The following SEMA6A variants were observed in gnomAD, a reference collection of about 807,000 sequenced individuals.
SEMA6A encodes the protein semaphorin 6A, also known as semaphorin-6A.
SEMA6A carries 25 observed loss-of-function variants against 96.8 expected under a neutral mutation model. The ratio of observed to expected loss-of-function variants is 0.26; its 90% confidence interval spans 0.19 to 0.36. The LOEUF (loss-of-function observed/expected upper bound fraction) is 0.36. SEMA6A is among the 10% of genes least tolerant of loss of function. The pLI, the probability that SEMA6A is intolerant of heterozygous loss-of-function variation, is 1.00. For missense variants in SEMA6A, 1,363 were observed against 1,323.1 expected, an observed-to-expected ratio of 1.03 and a Z score of -0.47; for synonymous variants, 612 against 518.0, an observed-to-expected ratio of 1.18 and a Z score of -2.46.
At chr5:116,482,031 T>C (rs1756801997) in intron 11 of SEMA6A, among the ~76,000 whole-genome samples, 1 of 152,124 alleles carries the variant, frequency 6.6e-6, no homozygotes, top group Non-Finnish European at 1.5e-5. Flanking sequence ...AAACACTATT[T>C]ATATTTCATA....
At chr5:116,457,314 G>C (rs746870909) in intron 18 of SEMA6A, among the ~76,000 whole-genome samples, 7 of 152,094 alleles carry the variant, frequency 4.6e-5, no homozygotes, top group Non-Finnish European at 8.8e-5. Flanking sequence ...CGTCCAAAAG[G>C]TTAGGCATAA....
chr5:116,562,760 G>C (rs890829778), intron 1 of SEMA6A: 1 of 734,064 alleles, frequency 1.4e-6, no homozygotes, highest in Admixed American at 1.7e-5. Context: ...AGACCGAGAT[G>C]AATCTTTGCC....
At chr5:116,478,424 C>T in intron 13 of SEMA6A, 118 bp downstream of exon 13, 1 of 1,090,594 alleles carries the variant, frequency 9.2e-7, no homozygotes, top group Non-Finnish European at 1.3e-6. Context: ...TTACAAACAG[C>T]ACTAAAAAGT....
intron 2 of SEMA6A, 77 bp downstream of exon 2, chr5:116,504,768 A>G (rs1362617684): frequency 1.7e-6 from 2 of 1,144,922 alleles, no homozygotes; most frequent in African/African-American, 1.5e-5. Flanking sequence ...TTCATTTTTC[A>G]GTTTTATTTT....
Position 116,496,777 on chromosome 5 carries a change from C to T in SEMA6A, c.280-464G>A, listed in dbSNP as rs1425133121. Among the ~76,000 whole-genome samples, 113 of 152,136 alleles carry T rather than the reference C, an allele frequency of 7.4e-4. 2 individuals carry two copies. Among genetic ancestry groups the T allele is most frequent in the Non-Finnish European group, 4.4e-5 (3 of 68,028 alleles). ...ACTCTAGGTGGACAAAGATTTAATT[C>T]AGGTTATACTCCTTCACATAGATTA... On this transcript the variant is annotated intron_variant, in intron 4 of 18. Transcript: ENST00000343348.
intron 1 of SEMA6A, among the ~76,000 whole-genome samples, chr5:116,546,301 T>A (rs995847215): frequency 6.6e-6 from 1 of 152,232 alleles, no homozygotes; most frequent in African/African-American, 2.4e-5. Context: ...CCTGAGACAC[T>A]CTGATTGCTT....
At chr5:116,518,828 AG>A (rs766585547) in intron 1 of SEMA6A, among the ~76,000 whole-genome samples, 1 of 152,244 alleles carries the variant, frequency 6.6e-6, no homozygotes, top group Non-Finnish European at 1.5e-5. Context: ...AGCAATGAGA[AG>A]GAAAATACAC....
chr5:116,487,656 G>C (rs1260029208), intron 9 of SEMA6A, among the ~76,000 whole-genome samples: 2 of 152,132 alleles, frequency 1.3e-5, no homozygotes, highest in African/African-American at 2.4e-5. Flanking sequence ...CTTGAGGTCA[G>C]GAGTTCGAGA....
chr5:116,470,487 T>C (rs1756057807), intron 17 of SEMA6A, among the ~76,000 whole-genome samples: 1 of 152,226 alleles, frequency 6.6e-6, no homozygotes. Context: ...TGCATCATAT[T>C]GTTTCTCTAT....
At chr5:116,467,855 G>C in intron 17 of SEMA6A, 108 bp from the exon 18 acceptor site, 1 of 1,124,312 alleles carries the variant, frequency 8.9e-7, no homozygotes, top group East Asian at 2.6e-5. Context: ...AGACTGAGAG[G>C]AGATGGCCCT....
chr5:116,565,831 G>T (rs1258204019), intron 1 of SEMA6A, among the ~76,000 whole-genome samples: 1 of 152,108 alleles, frequency 6.6e-6, no homozygotes, highest in Non-Finnish European at 1.5e-5. Context: ...TTTTTGTAAA[G>T]CATTCCATTT....
chr5:116,478,275 CA>C, intron 13 of SEMA6A, 121 bp from the exon 14 acceptor site: 2 of 1,195,536 alleles, frequency 1.7e-6, no homozygotes, highest in Non-Finnish European at 2.3e-6. Context: ...GTGAAACAAA[CA>C]AACCCTTCTG....
chr5:116,531,688 T>C (rs1759485861), intron 1 of SEMA6A, among the ~76,000 whole-genome samples: 1 of 152,146 alleles, frequency 6.6e-6, no homozygotes, highest in South Asian at 2.1e-4. Flanking sequence ...ACGTCCTGGT[T>C]CTGTTTGCCC....
Position 116,446,278 on chromosome 5 carries a change from GTGTGT to G in SEMA6A, c.*330_*334del, listed in dbSNP as rs533761702. ...GTGTTGTGTGCATGTGTGTGTGTGT[GTGTGT>G]GTGGGGGTGGGGGATGGGGTAGGTA... On this transcript the variant is annotated 3_prime_UTR_variant, in exon 19 of 19. Coordinates refer to ENST00000343348, the MANE Select transcript of SEMA6A (RefSeq NM_020796.5). 0.013 allele frequency: 2,945 copies of G among 227,550 alleles called. 52 individuals carry two copies. Among genetic ancestry groups the G allele is most frequent in the East Asian group, 0.048 (533 of 11,038 alleles). The allele number at this position is 227,550 out of a possible 1,614,324, so 14.1% of individuals were successfully genotyped here. A position where few individuals can be genotyped will look rare whatever the true frequency, so the allele number is the denominator to read the frequency against.
At chr5:116,562,959 C>G (rs189922245) in intron 1 of SEMA6A, 57 of 581,588 alleles carry the variant, frequency 9.8e-5, no homozygotes, top group South Asian at 7.9e-4. Context: ...ACGTCCCCCC[C>G]ATCCTCTCTG....
At chr5:116,514,297 G>T (rs767392810) in intron 1 of SEMA6A, among the ~76,000 whole-genome samples, 4 of 151,924 alleles carry the variant, frequency 2.6e-5, no homozygotes, top group African/African-American at 9.7e-5. Context: ...AGTATCTGTC[G>T]TTTTTTTACT....
chr5:116,495,374 C>G (rs1001268164), intron 6 of SEMA6A, 39 bp downstream of exon 6: 2 of 1,453,024 alleles, frequency 1.4e-6, no homozygotes, highest in African/African-American at 2.8e-5. Flanking sequence ...TATGAAATGC[C>G]TCCTGGCAGT....
intron 1 of SEMA6A, among the ~76,000 whole-genome samples, chr5:116,552,492 T>G (rs944452923): frequency 2.0e-5 from 3 of 152,066 alleles, no homozygotes; most frequent in Non-Finnish European, 4.4e-5. Context: ...CTGGGTCAAC[T>G]GATGATTTGC....
chr5:116,538,618 A>AT (rs933300858), intron 1 of SEMA6A, among the ~76,000 whole-genome samples: 2 of 152,146 alleles, frequency 1.3e-5, no homozygotes, highest in Non-Finnish European at 2.9e-5. Flanking sequence ...AAAGTTTGAA[A>AT]TTTTTTTATC....
Sources: gnomAD v4.1 joint callset for allele counts (sites outside exome capture counted in the v4.1 genomes callset) on GRCh38, gnomAD v4.1.1 for gene constraint, MANE v1.5 for transcripts, NCBI Gene and HGNC (gene_info 2026-07-23, HGNC 2026-07-21) for gene names.